TECTB: variants seen among roughly 807,000 people sequenced by gnomAD.
TECTB encodes the protein tectorin beta.
A neutral mutation model predicts 43.3 loss-of-function variants in TECTB; 45 were observed. That is an observed-to-expected ratio of 1.04 (90% CI 0.82 to 1.33). The LOEUF (loss-of-function observed/expected upper bound fraction) is 1.33. Among genes scored for constraint, TECTB ranks in the 40% most tolerant of loss-of-function variants. TECTB has a pLI of 0.00. For synonymous variants in TECTB, 169 were observed against 156.7 expected (o/e 1.08, Z -0.59); for missense variants, 399 against 404.7 (o/e 0.99, Z 0.12).
At chr10:112,296,964 T>C (rs1037942290) in intron 7 of TECTB, among the ~76,000 whole-genome samples, 1 of 152,216 alleles carries the variant, frequency 6.6e-6, no homozygotes, top group African/African-American at 2.4e-5. Flanking sequence ...CAGACCCTGC[T>C]ACCCCGTGCT....
At chr10:112,286,272 C>T in intron 4 of TECTB, 47 bp from the exon 5 acceptor site, 1 of 1,613,136 alleles carries the variant, frequency 6.2e-7, no homozygotes, top group African/African-American at 1.3e-5. Flanking sequence ...CAGGTCCTAT[C>T]AATCAGCGTG....
At chr10:112,301,612 C>A (rs1319331633) in intron 9 of TECTB, among the ~76,000 whole-genome samples, 3 of 152,144 alleles carry the variant, frequency 2.0e-5, no homozygotes, top group African/African-American at 4.8e-5. Flanking sequence ...AGCTTACCAA[C>A]CCCTGCTTTG....
intron 5 of TECTB, among the ~76,000 whole-genome samples, chr10:112,288,415 G>C (rs1848472383): frequency 6.6e-6 from 1 of 152,040 alleles, no homozygotes; most frequent in South Asian, 2.1e-4. Flanking sequence ...ACAGATAACG[G>C]GACACTCCCT....
intron 5 of TECTB, among the ~76,000 whole-genome samples, chr10:112,288,432 A>G (rs1156489048): frequency 1.3e-5 from 2 of 152,066 alleles, no homozygotes; most frequent in Non-Finnish European, 2.9e-5. Context: ...CCCTTCAACA[A>G]GTATAGAATT....
chr10:112,292,794 C>A (rs1848510095), intron 5 of TECTB, among the ~76,000 whole-genome samples: 1 of 152,068 alleles, frequency 6.6e-6, no homozygotes, highest in African/African-American at 2.4e-5. Context: ...CTCACCCCCA[C>A]CCCGCTCCCC....
In TECTB at chr10:112,303,114, C is replaced by T. The variant is rs1388071696; in HGVS notation, c.941-149C>T. 6 of 862,944 alleles carry T rather than the reference C, an allele frequency of 7.0e-6. No homozygotes were observed. The South Asian group carries it at 7.8e-5, about 11-fold the overall frequency. 53.5% of individuals were successfully genotyped at this position (862,944 alleles called of 1,614,324 possible). ...GGTTCTTTGTACTGATAAATGTGAG[C>T]TACAGAATCCCCAAGGGATGAACAA... On this transcript the variant is annotated intron_variant, in intron 10 of 10. Coordinates refer to ENST00000646139, the MANE Select transcript of TECTB (RefSeq NM_058222.3).
At chr10:112,284,402 G>T in intron 2 of TECTB, 133 bp from the exon 3 acceptor site, 6 of 840,850 alleles carry the variant, frequency 7.1e-6, no homozygotes, top group Non-Finnish European at 9.9e-6. Flanking sequence ...GTCACAGCTG[G>T]TGAGGAATAG....
At position 112,304,506 on chromosome 10, in the gene TECTB, T is replaced by C. The variant is rs569134070; in HGVS notation, c.*1194T>C. On this transcript the variant is annotated 3_prime_UTR_variant, in exon 11 of 11. Coordinates refer to ENST00000646139, the MANE Select transcript of TECTB (RefSeq NM_058222.3). ...TGAATGAACCAATTCTGGTAGAGAA[T>C]TGGCTGGATTGTGATAGGAAAAGGC... The C allele has an allele frequency of 6.6e-6, 1 of 152,294 alleles. No individual in the cohort carries two copies. The highest frequency in any genetic ancestry group is 2.4e-5 in the African/African-American group (1 of 41,576). 9.4% of individuals were successfully genotyped at this position (152,294 alleles called of 1,614,324 possible).
intron 5 of TECTB, among the ~76,000 whole-genome samples, chr10:112,289,895 C>T (rs1848483821): frequency 6.6e-6 from 1 of 152,066 alleles, no homozygotes; most frequent in Non-Finnish European, 1.5e-5. Flanking sequence ...GGAGCAACTC[C>T]GAGATGTTTC....
intron 4 of TECTB, 53 bp downstream of exon 4, chr10:112,286,266 T>C (rs1848453767): frequency 5.0e-6 from 8 of 1,613,376 alleles, no homozygotes; most frequent in Non-Finnish European, 6.8e-6. Flanking sequence ...GTACTGCAGG[T>C]CCTATCAATC....
rs1347720957 is a variant in TECTB at position 112,286,172 on chromosome 10, C to T, written c.369C>T (p.Tyr123=). The part of the protein sequence containing the change: ...QPVNYSFSCT[Y]HSTYLVNQAA... ...TCAACTACTCCTTCTCCTGCACCTA[C>T]CACTCCACCTACTTGGTGAACCAGG... The change falls in exon 4 of 11, where the codon TAC becomes TAT. Residue 123 remains tyrosine (Y), a synonymous_variant. Coordinates refer to ENST00000646139, the MANE Select transcript of TECTB (RefSeq NM_058222.3). 6.2e-7 allele frequency: 1 copy of T among 1,614,182 alleles called. No homozygotes were observed. The highest frequency in any genetic ancestry group is 1.3e-5 in the African/African-American group (1 of 75,052).
At chr10:112,289,945 C>T (rs1333935132) in intron 5 of TECTB, among the ~76,000 whole-genome samples, 1 of 152,142 alleles carries the variant, frequency 6.6e-6, no homozygotes, top group Non-Finnish European at 1.5e-5. Flanking sequence ...TCATCCTTAA[C>T]TTGTGACACT....
In TECTB at chr10:112,301,954, G is replaced by T. The variant is rs559659600; in HGVS notation, c.908-147G>T. 4.4e-4 allele frequency: 362 copies of T among 820,622 alleles called. 1 individual carries two copies. Among genetic ancestry groups the T allele is most frequent in the Middle Eastern group, 2.2e-3 (6 of 2,700 alleles). The allele number at this position is 820,622 out of a possible 1,614,324, so 50.8% of individuals were successfully genotyped here. On this transcript the variant is annotated intron_variant, in intron 9 of 10. Coordinates refer to ENST00000646139, the MANE Select transcript of TECTB (RefSeq NM_058222.3). ...TCGAGCTCCCAACCTCAAGTGACCC[G>T]CCCACCTGGGCCTCCCAAAGTGCTG...
chr10:112,286,026 C>T (rs757333454), intron 3 of TECTB, 45 bp from the exon 4 acceptor site: 40 of 1,609,220 alleles, frequency 2.5e-5, no homozygotes, highest in South Asian at 1.7e-4. Context: ...TCATTCCCAT[C>T]GCGGGGAAAC....
chr10:112,299,900 C>T (rs892483304), intron 9 of TECTB, among the ~76,000 whole-genome samples: 9 of 151,978 alleles, frequency 5.9e-5, no homozygotes, highest in Non-Finnish European at 1.0e-4. Flanking sequence ...CGGTGGCTCA[C>T]GCCTGTAATC....
intron 5 of TECTB, among the ~76,000 whole-genome samples, 154 bp from the exon 6 acceptor site, chr10:112,293,584 A>G (rs1008107602): frequency 4.6e-5 from 7 of 152,096 alleles, no homozygotes; most frequent in African/African-American, 1.4e-4. Flanking sequence ...AAGACTTAGA[A>G]TTTCTCTGGT....
At chr10:112,302,998 G>T in intron 10 of TECTB, 1 of 463,704 alleles carries the variant, frequency 2.2e-6, no homozygotes, top group South Asian at 4.8e-5. Context: ...GATTCTCATC[G>T]TTTTTAAGTT....
At chr10:112,302,934 G>T (rs1848624916) in intron 10 of TECTB, 2 of 319,816 alleles carry the variant, frequency 6.3e-6, no homozygotes, top group African/African-American at 2.1e-5. Context: ...GACAGATTTT[G>T]CTCTCATCAT....
rs763756823 is a variant in TECTB, at chr10:112,294,048, C to G, written c.658C>G (p.Leu220Val). The change falls in exon 7 of 11, where the codon CTG becomes GTG. Residue 220 changes from leucine (L) to valine (V), a missense_variant. Leu to Val is a conservative substitution (Grantham distance 32). Transcript: ENST00000646139. Reference sequence around the variant, plus strand: ...CTTCATGTATCCCTTGCAGTGGCAGCTGATCAACAAGGGGTAGGTACACTA... The same window carrying G: ...CTTCATGTATCCCTTGCAGTGGCAGGTGATCAACAAGGGGTAGGTACACTA... ...ADFMYPLQWQ[L>V]INKGCPTDET... 1 of 1,614,056 alleles carries G rather than the reference C, an allele frequency of 6.2e-7. No individual in the cohort carries two copies. Among genetic ancestry groups the G allele is most frequent in the Admixed American group, 1.7e-5 (1 of 60,014 alleles).
Sources: allele counts gnomAD v4.1 joint callset (sites outside exome capture counted in the v4.1 genomes callset), GRCh38; gene constraint gnomAD v4.1.1; transcripts MANE v1.5; gene names NCBI Gene and HGNC (gene_info 2026-07-23, HGNC 2026-07-21).